The following FSIP2 variants were observed in gnomAD, a reference collection of about 807,000 sequenced individuals.
FSIP2 encodes the protein fibrous sheath-interacting protein 2.
In FSIP2, 367 loss-of-function variants were observed where a neutral mutation model predicts 510.5. That is an observed-to-expected ratio of 0.72 (90% CI 0.66 to 0.78). The LOEUF is 0.78. Ranked by LOEUF, FSIP2 falls within the 30% of genes least tolerant of loss-of-function variation. FSIP2 has a pLI of 0.00. For synonymous variants in FSIP2, 2,601 were observed against 2,732.2 expected (o/e 0.95, Z 1.50); for missense variants, 7,594 against 7,901.7 (o/e 0.96, Z 1.48).
chr2:185,795,104 T>C lies in FSIP2; in HGVS notation c.7968T>C (p.Pro2656=). 1 of 1,534,960 alleles carries C rather than the reference T, an allele frequency of 6.5e-7. No individual in the cohort carries two copies. The highest frequency in any genetic ancestry group is 8.7e-7 in the Non-Finnish European group (1 of 1,146,140). Residue 2656 remains proline (P), a synonymous_variant, in exon 16 of 23, where the codon CCT becomes CCC. Transcript: ENST00000424728. ...TAAAGGTGAGCCCTAAGGACAACCC[T>C]AAGCCATGCTTTAAAGCACATTTAA... ...LPLKVSPKDN[P]KPCFKAHLKT...
intron 13 of FSIP2, among the ~76,000 whole-genome samples, chr2:185,780,703 C>CT (rs894981388): frequency 1.3e-5 from 2 of 151,520 alleles, no homozygotes; most frequent in Non-Finnish European, 2.9e-5. Flanking sequence ...TCTTGTTTTT[C>CT]TTTTTTTATA....
intron 13 of FSIP2, among the ~76,000 whole-genome samples, chr2:185,776,292 A>C (rs1424379872): frequency 6.6e-6 from 1 of 151,838 alleles, no homozygotes; most frequent in Admixed American, 6.6e-5. Context: ...AAATGAGAAA[A>C]ATTAAAAATT....
chr2:185,801,130 T>C lies in FSIP2; in HGVS notation c.11824T>C (p.Ser3942Pro), dbSNP rs1693425635. ...KHCAVKSSSV[S>P]PFERQRTKEM... is the part of the protein sequence containing the mutation. ...TTGTGCAGTAAAATCCTCTTCTGTG[T>C]CACCTTTTGAAAGACAGAGAACAAA... The change falls in exon 17 of 23, where the codon TCA becomes CCA. Residue 3942 changes from serine to proline, a missense_variant. Coordinates refer to ENST00000424728, the MANE Select transcript of FSIP2 (RefSeq NM_173651.4). The C allele has an allele frequency of 2.6e-6, 4 of 1,533,672 alleles. No individual in the cohort carries two copies. Among genetic ancestry groups the C allele is most frequent in the Non-Finnish European group, 3.5e-6 (4 of 1,145,500 alleles).
chr2:185,785,765 A>G (rs1462975454), intron 14 of FSIP2, among the ~76,000 whole-genome samples: 1 of 152,018 alleles, frequency 6.6e-6, no homozygotes, highest in African/African-American at 2.4e-5. Context: ...GTTACTGAAT[A>G]AGCATTCACA....
chr2:185,821,009 T>TAAAAAAAAAAAAAAAAAA (rs59331328), intron 19 of FSIP2, among the ~76,000 whole-genome samples: 1 of 74,962 alleles, frequency 1.3e-5, no homozygotes, highest in Non-Finnish European at 2.5e-5. Context: ...GTTGGTTCGT[T>TAAAAAAAAAAAAAAAAAA]AAAAAAAAAA....
chr2:185,754,266 A>G (rs1441054714), intron 8 of FSIP2, among the ~76,000 whole-genome samples: 1 of 151,506 alleles, frequency 6.6e-6, no homozygotes, highest in African/African-American at 2.4e-5. Context: ...AAAGTTTCAA[A>G]GGAGGAATGG....
At chr2:185,737,165 TAC>T (rs1337307201), upstream of FSIP2, among the ~76,000 whole-genome samples, 1 of 152,216 alleles carries the variant, frequency 6.6e-6, no homozygotes, top group African/African-American at 2.4e-5. Context: ...GCACTTCCAA[TAC>T]ACTGGTTTCT....
rs900032599 is a variant in FSIP2 at position 185,792,051 on chromosome 2, T to C, written c.4915T>C (p.Leu1639=). The C allele has an allele frequency of 6.5e-7, 1 of 1,533,818 alleles. No homozygotes were observed. The highest frequency in any genetic ancestry group is 1.4e-5 in the African/African-American group (1 of 72,862). The part of the protein sequence containing the change: ...DTHEASFLSA[L]YMHAKKVSSA... The stretch of plus-strand genomic sequence containing the variant: ...ACATGAAGCATCATTTCTGTCTGCT[T>C]TATATATGCATGCAAAGAAGGTATC... The change falls in exon 16 of 23, where the codon TTA becomes CTA. Residue 1639 remains leucine, a synonymous_variant. Coordinates refer to ENST00000424728, the MANE Select transcript of FSIP2 (RefSeq NM_173651.4).
chr2:185,761,942 A>T, intron 10 of FSIP2, 30 bp from the exon 11 acceptor site: 1 of 1,309,550 alleles, frequency 7.6e-7, no homozygotes, highest in Non-Finnish European at 1.0e-6. Context: ...TACTAATGTA[A>T]TTTTTTCTCT....
intron 19 of FSIP2, among the ~76,000 whole-genome samples, chr2:185,816,482 G>A (rs140078176): frequency 6.6e-6 from 1 of 151,940 alleles, no homozygotes; most frequent in Non-Finnish European, 1.5e-5. Flanking sequence ...ACTACAATCT[G>A]ACTAACACAA....
chr2:185,782,178 A>ATT (rs1692865633), intron 13 of FSIP2, among the ~76,000 whole-genome samples: 3 of 152,180 alleles, frequency 2.0e-5, no homozygotes, highest in Admixed American at 2.0e-4. Flanking sequence ...CTGAGGATAT[A>ATT]TGTGGGAAGT....
Position 185,804,571 on chromosome 2 carries a change from G to A in FSIP2, c.15265G>A (p.Asp5089Asn). 2 of 1,532,228 alleles carry A rather than the reference G, an allele frequency of 1.3e-6. No individual in the cohort carries two copies. The highest frequency in any genetic ancestry group is 1.7e-6 in the Non-Finnish European group (2 of 1,144,656). The allele number at this position is 1,532,228 out of a possible 1,614,324, so 94.9% of individuals were successfully genotyped here. A position where few individuals can be genotyped will look rare whatever the true frequency, so the allele number is the denominator to read the frequency against. Residue 5089 changes from aspartate to asparagine, a missense_variant, in exon 17 of 23, where the codon GAT becomes AAT. Physicochemically the swap from Asp to Asn is conservative, Grantham distance 23. Coordinates refer to ENST00000424728, the MANE Select transcript of FSIP2 (RefSeq NM_173651.4). Reference sequence around the variant, plus strand: ...TTCTTCTTATTCGTATCCCCAAGCTGATAATATCATCAGAAATGTGCTTAA... The same window carrying A: ...TTCTTCTTATTCGTATCCCCAAGCTAATAATATCATCAGAAATGTGCTTAA... ...ESSSYSYPQA[D>N]NIIRNVLNII...
At position 185,790,912 on chromosome 2, in the gene FSIP2, T is replaced by A; in HGVS notation, c.3776T>A (p.Ile1259Asn). 6.5e-7 allele frequency: 1 copy of A among 1,527,450 alleles called. No homozygotes were observed. The highest frequency in any genetic ancestry group is 1.7e-4 in the Middle Eastern group (1 of 5,926). 94.6% of individuals were successfully genotyped at this position (1,527,450 alleles called of 1,614,324 possible). The change falls in exon 16 of 23, where the codon ATT becomes AAT. Residue 1259 changes from isoleucine (I) to asparagine (N), a missense_variant. Coordinates refer to ENST00000424728, the MANE Select transcript of FSIP2 (RefSeq NM_173651.4). The part of the protein sequence containing the change: ...GKSEPKPVDD[I>N]NDKIIRTIFK... ...AGTGAACCTAAACCTGTAGATGACA[T>A]TAATGATAAGATCATTCGTACAATT...
rs1693232506 is a variant in FSIP2 at position 185,794,942 on chromosome 2, A to T, written c.7806A>T (p.Ser2602=). 6.5e-7 allele frequency: 1 copy of T among 1,533,860 alleles called. No homozygotes were observed. The highest frequency in any genetic ancestry group is 8.7e-7 in the Non-Finnish European group (1 of 1,145,268). ...GTAATTCCCCTAGATATGCGATATC[A>T]CAGGCTTATTCTTATGTCGACAGTC... The part of the protein sequence containing the change: ...KISNSPRYAI[S]QAYSYVDSQN... The change falls in exon 16 of 23, where the codon TCA becomes TCT. Residue 2602 remains serine, a synonymous_variant. Transcript: ENST00000424728.
intron 11 of FSIP2, among the ~76,000 whole-genome samples, chr2:185,762,226 A>T (rs1692366788): frequency 6.6e-6 from 1 of 151,198 alleles, no homozygotes; most frequent in African/African-American, 2.4e-5. Flanking sequence ...GAATTTGCAA[A>T]GTGTGGAAAA....
chr2:185,780,592 A>T (rs2105592610), intron 13 of FSIP2, among the ~76,000 whole-genome samples: 1 of 151,996 alleles, frequency 6.6e-6, no homozygotes, highest in Admixed American at 6.5e-5. Context: ...AAACATATAA[A>T]GTCCTCTTAT....
intron 14 of FSIP2, among the ~76,000 whole-genome samples, chr2:185,785,361 C>G (rs563197798): frequency 6.8e-4 from 104 of 152,060 alleles, no homozygotes; most frequent in Admixed American, 9.2e-4. Context: ...AGTTTCTTTT[C>G]TTTTCTGCCA....
At position 185,791,104 on chromosome 2, in the gene FSIP2, A is replaced by C; in HGVS notation, c.3968A>C (p.Asp1323Ala). Residue 1323 changes from aspartate (D) to alanine (A), a missense_variant, in exon 16 of 23, where the codon GAC becomes GCC. By Grantham distance (126) the Asp-to-Ala change is moderately radical. Transcript: ENST00000424728. The part of the protein sequence containing the change: ...HKENLNLREI[D>A]HTKSLTDKGF... ...GAAAACCTAAATCTTAGGGAGATTG[A>C]CCATACCAAATCCCTTACAGATAAA... 1 of 1,531,816 alleles carries C rather than the reference A, an allele frequency of 6.5e-7. No homozygotes were observed. The allele number at this position is 1,531,816 out of a possible 1,614,324, so 94.9% of individuals were successfully genotyped here.
In FSIP2 at chr2:185,797,406, G is replaced by A; in HGVS notation, c.10270G>A (p.Val3424Met). The change falls in exon 16 of 23, where the codon GTG becomes ATG. Residue 3424 changes from valine to methionine, a missense_variant. Transcript: ENST00000424728. ...KKKEYPKIET[V>M]KEVEAFTFAD... ...AAAGGAGTACCCAAAGATAGAGACT[G>A]TGAAGGAAGTTGAAGCCTTTACTTT... is the stretch of plus-strand genomic sequence containing the variant. 1 of 1,532,586 alleles carries A rather than the reference G, an allele frequency of 6.5e-7. No individual in the cohort carries two copies. The highest frequency in any genetic ancestry group is 8.7e-7 in the Non-Finnish European group (1 of 1,145,630). 94.9% of individuals were successfully genotyped at this position (1,532,586 alleles called of 1,614,324 possible).
Sources: allele counts gnomAD v4.1 joint callset (sites outside exome capture counted in the v4.1 genomes callset), GRCh38; gene constraint gnomAD v4.1.1; transcripts MANE v1.5; gene names NCBI Gene and HGNC (gene_info 2026-07-23, HGNC 2026-07-21).